LAMA2: variants seen among roughly 807,000 people sequenced by gnomAD.
LAMA2 encodes the protein laminin subunit alpha-2.
In LAMA2, 269 loss-of-function variants were observed where a neutral mutation model predicts 364.8. The observed-to-expected ratio is 0.74, with a 90% CI of 0.67 to 0.82. The LOEUF is 0.82. Ranked by LOEUF, LAMA2 falls within the 40% of genes least tolerant of loss-of-function variation. LAMA2 has a pLI of 0.00. For missense variants in LAMA2, 3,807 were observed against 3,873.2 expected, an observed-to-expected ratio of 0.98 and a Z score of 0.45; for synonymous variants, 1,379 against 1,370.6, an observed-to-expected ratio of 1.01 and a Z score of -0.14.
At chr6:128,901,072 A>G (rs1209596878) in intron 1 of LAMA2, among the ~76,000 whole-genome samples, 3 of 152,174 alleles carry the variant, frequency 2.0e-5, no homozygotes, top group Non-Finnish European at 4.4e-5. Flanking sequence ...TGGGAAGATT[A>G]CTTGAACCCG....
In LAMA2 at chr6:129,478,714, AT is replaced by A; in HGVS notation, c.7474del (p.Tyr2492IlefsTer55). 2 of 1,613,526 alleles carry A rather than the reference AT, an allele frequency of 1.2e-6. No individual in the cohort carries two copies. The highest frequency in any genetic ancestry group is 1.7e-6 in the Non-Finnish European group (2 of 1,179,512). ...ATAGGCCAGAAGTAAATCTGAAGAA[AT>A]ATTCCGGCTGCCTCAAAGATATTGA... ...KARPEVNLKK[Y>X]SGCLKDIEIS... On this transcript the variant is annotated frameshift_variant, in exon 54 of 65. Coordinates refer to ENST00000421865, the MANE Select transcript of LAMA2 (RefSeq NM_000426.4). LOFTEE classifies it high-confidence loss of function.
chr6:129,434,677 C>T (rs1384460591), intron 41 of LAMA2, among the ~76,000 whole-genome samples: 6 of 152,104 alleles, frequency 3.9e-5, no homozygotes, highest in Non-Finnish European at 7.4e-5. Context: ...TTCTTTCTTA[C>T]TTTTAGTTAT....
intron 40 of LAMA2, among the ~76,000 whole-genome samples, chr6:129,426,042 A>G (rs1260014836): frequency 6.6e-6 from 1 of 152,172 alleles, no homozygotes; most frequent in Non-Finnish European, 1.5e-5. Flanking sequence ...AGTACTATAA[A>G]TGGCCTATAT....
chr6:129,338,036 C>T, intron 29 of LAMA2, among the ~76,000 whole-genome samples: 1 of 152,096 alleles, frequency 6.6e-6, no homozygotes, highest in Non-Finnish European at 1.5e-5. Flanking sequence ...GTCAGCAACC[C>T]TCTGAAAGAT....
chr6:129,196,601 C>G (rs1007041329), intron 12 of LAMA2, among the ~76,000 whole-genome samples: 1 of 152,120 alleles, frequency 6.6e-6, no homozygotes, highest in Non-Finnish European at 1.5e-5. Flanking sequence ...CTTCTTTGCT[C>G]CATAGTCCTC....
At chr6:129,053,244 T>C (rs917496554) in intron 2 of LAMA2, among the ~76,000 whole-genome samples, 1 of 152,154 alleles carries the variant, frequency 6.6e-6, no homozygotes, top group African/African-American at 2.4e-5. Flanking sequence ...TTTGTATTTT[T>C]AGTAGAGACG....
intron 20 of LAMA2, chr6:129,292,770 GT>G (rs1789803308): frequency 1.0e-6 from 1 of 980,098 alleles, no homozygotes; most frequent in Non-Finnish European, 1.2e-6. Flanking sequence ...GCTCTGTTTT[GT>G]TTTTATTTTA....
chr6:129,139,037 TGA>T (rs1359280712), intron 4 of LAMA2, among the ~76,000 whole-genome samples: 1 of 152,118 alleles, frequency 6.6e-6, no homozygotes, highest in East Asian at 1.9e-4. Context: ...TGGTGAGAAC[TGA>T]GAACTGGACA....
chr6:129,187,112 C>CT (rs1781271544), intron 10 of LAMA2, among the ~76,000 whole-genome samples: 1 of 151,756 alleles, frequency 6.6e-6, no homozygotes, highest in Non-Finnish European at 1.5e-5. Context: ...AATCAAAAAA[C>CT]TTTAAGTGCT....
At chr6:129,332,855 A>T (rs1775733047) in intron 29 of LAMA2, among the ~76,000 whole-genome samples, 1 of 143,896 alleles carries the variant, frequency 6.9e-6, no homozygotes, top group South Asian at 2.2e-4. Context: ...GAAGTTTATC[A>T]GTTGATTCAG....
intron 2 of LAMA2, among the ~76,000 whole-genome samples, chr6:129,055,179 A>T (rs560311488): frequency 1.7e-5 from 2 of 120,742 alleles, no homozygotes; most frequent in South Asian, 2.6e-4. Context: ...ATTATTATTT[A>T]TTATTATTAT....
intron 4 of LAMA2, among the ~76,000 whole-genome samples, chr6:129,125,226 A>T (rs1400970074): frequency 6.6e-6 from 1 of 152,198 alleles, no homozygotes; most frequent in African/African-American, 2.4e-5. Context: ...GCAGGTTTTG[A>T]CAGAGAAGAA....
intron 54 of LAMA2, chr6:129,479,479 G>C (rs1221633140): frequency 2.6e-5 from 4 of 152,528 alleles, no homozygotes; most frequent in Non-Finnish European, 5.9e-5. Flanking sequence ...CCATATGTGA[G>C]AAAGACCCCG....
intron 40 of LAMA2, among the ~76,000 whole-genome samples, chr6:129,417,117 G>C (rs1024063231): frequency 1.3e-5 from 2 of 152,100 alleles, no homozygotes; most frequent in Non-Finnish European, 2.9e-5. Flanking sequence ...CTGGGGAAGG[G>C]GGTGTGTTTC....
rs554739106 is a variant in LAMA2 at position 128,890,124 on chromosome 6, C to T, written c.112+6767C>T. Among the ~76,000 whole-genome samples, 19 of 152,252 alleles carry T rather than the reference C, an allele frequency of 1.2e-4. No individual in the cohort carries two copies. In the South Asian group the frequency reaches 3.3e-3, roughly 27 times the overall value. On this transcript the variant is annotated intron_variant, in intron 1 of 64. Coordinates refer to ENST00000421865, the MANE Select transcript of LAMA2 (RefSeq NM_000426.4). ...CTCAACTGACCCCCGAACTGTGTAC[C>T]TCCCCAAGGCTCTTCATTTAGCTGC...
chr6:129,335,393 T>TAGAG (rs1374722623), intron 29 of LAMA2, among the ~76,000 whole-genome samples: 1 of 151,712 alleles, frequency 6.6e-6, no homozygotes, highest in African/African-American at 2.4e-5. Context: ...GATAGATAGA[T>TAGAG]AGATACAGAA....
intron 4 of LAMA2, among the ~76,000 whole-genome samples, chr6:129,137,931 G>A (rs578021313): frequency 6.6e-6 from 1 of 152,120 alleles, no homozygotes; most frequent in African/African-American, 2.4e-5. Flanking sequence ...AGGGAGTTTG[G>A]ATAAATTATA....
chr6:128,920,151 C>T (rs1011426120), intron 1 of LAMA2, among the ~76,000 whole-genome samples: 3 of 151,368 alleles, frequency 2.0e-5, no homozygotes, highest in Non-Finnish European at 4.4e-5. Flanking sequence ...TTTTCATGCT[C>T]ATTTTTCTTT....
intron 1 of LAMA2, among the ~76,000 whole-genome samples, chr6:128,948,915 C>A (rs1200881277): frequency 1.3e-5 from 2 of 152,042 alleles, no homozygotes; most frequent in Non-Finnish European, 2.9e-5. Flanking sequence ...AACAGAGAAC[C>A]AATTAAATAT....
Sources: allele counts gnomAD v4.1 joint callset (sites outside exome capture counted in the v4.1 genomes callset), GRCh38; gene constraint gnomAD v4.1.1; transcripts MANE v1.5; gene names NCBI Gene and HGNC (gene_info 2026-07-23, HGNC 2026-07-21).